LARGE1: variants seen among roughly 807,000 people sequenced by gnomAD.
LARGE1 encodes the protein xylosyl- and glucuronyltransferase LARGE1.
A neutral mutation model predicts 87.6 loss-of-function variants in LARGE1; 43 were observed. The ratio of observed to expected loss-of-function variants is 0.49; its 90% confidence interval spans 0.38 to 0.63. The LOEUF is 0.63. LARGE1 is among the 30% of genes least tolerant of loss of function. The pLI is 0.00. For synonymous variants in LARGE1, 434 were observed against 394.6 expected, an observed-to-expected ratio of 1.10 and a Z score of -1.18; for missense variants, 802 against 1,000.2, an observed-to-expected ratio of 0.80 and a Z score of 2.67.
intron 1 of LARGE1, among the ~76,000 whole-genome samples, chr22:33,816,352 T>C (rs2086646430): frequency 6.9e-6 from 1 of 145,718 alleles, no homozygotes. Context: ...CTTATAGTTC[T>C]AGAGGCTGGG....
intron 9 of LARGE1, among the ~76,000 whole-genome samples, chr22:33,348,438 AAAT>A (rs1003663401): frequency 4.6e-5 from 7 of 152,156 alleles, no homozygotes; most frequent in African/African-American, 1.7e-4. Flanking sequence ...TCTTAAAATA[AAAT>A]AATAATACCT....
chr22:33,271,741 T>C (rs1326076779), downstream of LARGE1, among the ~76,000 whole-genome samples: 1 of 152,238 alleles, frequency 6.6e-6, no homozygotes, highest in African/African-American at 2.4e-5. Context: ...GTGTAAGTTC[T>C]GGGAATGCAG....
At chr22:33,149,992 G>A in the LARGE1 span, among the ~76,000 whole-genome samples, 2 of 152,154 alleles carry the variant, frequency 1.3e-5, no homozygotes, top group East Asian at 3.8e-4. Context: ...AAGGTCTCAT[G>A]TTAAAACTAA....
At chr22:33,447,814 G>A (rs1039477681) in intron 6 of LARGE1, among the ~76,000 whole-genome samples, 1 of 152,094 alleles carries the variant, frequency 6.6e-6, no homozygotes, top group Admixed American at 6.6e-5. Context: ...TGGGTGGAAG[G>A]AGGAAGGGCT....
intron 13 of LARGE1, among the ~76,000 whole-genome samples, chr22:33,281,311 T>C (rs775600246): frequency 2.0e-5 from 3 of 152,078 alleles, no homozygotes; most frequent in Non-Finnish European, 4.4e-5. Flanking sequence ...ATGGCATTCA[T>C]GGGAGACTTA....
At chr22:33,918,283 C>T (rs1365222658) in intron 1 of LARGE1, among the ~76,000 whole-genome samples, 1 of 152,220 alleles carries the variant, frequency 6.6e-6, no homozygotes, top group East Asian at 1.9e-4. Flanking sequence ...AGGGCCCACA[C>T]TTGTCAGCAG....
At chr22:33,075,793 A>T in the LARGE1 span, among the ~76,000 whole-genome samples, 3 of 152,180 alleles carry the variant, frequency 2.0e-5, no homozygotes, top group African/African-American at 4.8e-5. Flanking sequence ...TGCTTCTCAT[A>T]GCTGTTATAA....
chr22:33,791,847 T>C (rs1477953853), intron 1 of LARGE1, among the ~76,000 whole-genome samples: 2 of 152,164 alleles, frequency 1.3e-5, no homozygotes, highest in Non-Finnish European at 2.9e-5. Context: ...CTAGGAAAAA[T>C]ACTCTAAGTC....
downstream of LARGE1, among the ~76,000 whole-genome samples, chr22:33,160,616 G>A (rs1020223713): frequency 2.6e-5 from 4 of 152,216 alleles, no homozygotes; most frequent in Non-Finnish European, 5.9e-5. Context: ...GTGTTGTCAT[G>A]TGAGTGATTA....
At chr22:33,850,379 G>A (rs1020167954) in intron 1 of LARGE1, among the ~76,000 whole-genome samples, 11 of 152,148 alleles carry the variant, frequency 7.2e-5, no homozygotes, top group Non-Finnish European at 1.5e-4. Context: ...GAGGTCAGAG[G>A]GACCTAGTTC....
chr22:33,426,260 A>C (rs760421473), intron 7 of LARGE1, among the ~76,000 whole-genome samples: 2 of 152,188 alleles, frequency 1.3e-5, no homozygotes, highest in African/African-American at 2.4e-5. Context: ...TCTTGGTATC[A>C]CCCATTTAAA....
chr22:33,349,714 G>T (rs1940174730), intron 9 of LARGE1, among the ~76,000 whole-genome samples: 1 of 151,932 alleles, frequency 6.6e-6, no homozygotes, highest in African/African-American at 2.4e-5. Flanking sequence ...AATAAAAATG[G>T]TGCCCTTTAT....
At chr22:33,128,881 T>G in the LARGE1 span, among the ~76,000 whole-genome samples, 2 of 151,756 alleles carry the variant, frequency 1.3e-5, no homozygotes, top group Admixed American at 6.6e-5. Flanking sequence ...CACTTACAAG[T>G]GGGAGCTGAA....
chr22:33,189,478 C>T (rs1028262203), intron 11 of LARGE1, among the ~76,000 whole-genome samples: 10 of 152,144 alleles, frequency 6.6e-5, no homozygotes, highest in African/African-American at 1.4e-4. Flanking sequence ...CACACACACA[C>T]GCACATACAC....
intron 10 of LARGE1, 61 bp downstream of exon 10, chr22:33,337,585 G>A: frequency 6.3e-7 from 1 of 1,596,804 alleles, no homozygotes; most frequent in Non-Finnish European, 8.6e-7. Context: ...GCATGGGGGA[G>A]GTCCTTGATG....
intron 2 of LARGE1, among the ~76,000 whole-genome samples, chr22:33,731,427 T>C (rs1221675488): frequency 6.6e-6 from 1 of 152,138 alleles, no homozygotes; most frequent in Non-Finnish European, 1.5e-5. Flanking sequence ...TCGTCAGAGC[T>C]GTTAAATTCA....
chr22:33,135,857 C>CAAAATAAAAT, the LARGE1 span, among the ~76,000 whole-genome samples: 48 of 151,098 alleles, frequency 3.2e-4, no homozygotes, highest in Middle Eastern at 3.4e-3. Context: ...AAAAATAAAA[C>CAAAATAAAAT]AAAATAAAAT....
chr22:33,647,156 T>C (rs573537195), intron 3 of LARGE1, among the ~76,000 whole-genome samples: 1 of 152,332 alleles, frequency 6.6e-6, no homozygotes, highest in South Asian at 2.1e-4. Context: ...GTAGGTCTCA[T>C]GGATACACAT....
chr22:33,360,810 C>T lies in LARGE1; in HGVS notation c.1131+21109G>A, dbSNP rs551086423. On this transcript the variant is annotated intron_variant, in intron 9 of 14. Transcript: ENST00000397394. ...CCCAGCCCACCGCCACTGGGCTGTA[C>T]GAAGGCAGGTATCTTGTCCAGCCCA... Among the ~76,000 whole-genome samples the T allele has an allele frequency of 7.3e-5, 11 of 149,970 alleles. 1 individual carries two copies. Among genetic ancestry groups the T allele is most frequent in the Admixed American group, 4.0e-4 (6 of 15,156 alleles).
Sources: allele counts gnomAD v4.1 joint callset (sites outside exome capture counted in the v4.1 genomes callset), GRCh38; gene constraint gnomAD v4.1.1; transcripts MANE v1.5; gene names NCBI Gene and HGNC (gene_info 2026-07-23, HGNC 2026-07-21).